GNG7: variants seen among roughly 807,000 people sequenced by gnomAD.
GNG7 encodes G protein subunit gamma 7.
GNG7 carries 1 observed loss-of-function variant against 4.0 expected under a neutral mutation model. The observed-to-expected ratio is 0.25, with a 90% CI of 0.09 to 1.18. GNG7 has a LOEUF of 1.18. GNG7 is among the 50% of genes most tolerant of loss of function. GNG7 has a pLI of 0.50. For synonymous variants in GNG7, 34 were observed against 36.9 expected (o/e 0.92, Z 0.29); for missense variants, 86 against 91.9 (o/e 0.94, Z 0.26).
At chr19:2,559,147 C>A (rs183532156) in intron 2 of GNG7, among the ~76,000 whole-genome samples, 1 of 152,064 alleles carries the variant, frequency 6.6e-6, no homozygotes, top group African/African-American at 2.4e-5. Context: ...TATACACACA[C>A]ACACATATAT....
chr19:2,642,741 G>A (rs1207520860), intron 2 of GNG7: 10 of 454,474 alleles, frequency 2.2e-5, no homozygotes, highest in Non-Finnish European at 4.4e-5. Flanking sequence ...CCATCCTCCT[G>A]CCTTGGCCTC....
At chr19:2,687,049 G>C (rs1983890297) in intron 1 of GNG7, among the ~76,000 whole-genome samples, 1 of 149,296 alleles carries the variant, frequency 6.7e-6, no homozygotes, top group Non-Finnish European at 1.5e-5. Flanking sequence ...ACCGCGCCTG[G>C]CCACTTTTTT....
rs915660934 is a variant in GNG7, at chr19:2,546,787, C to T, written c.-38+8362G>A. 2.5e-4 allele frequency among the ~76,000 whole-genome samples: 38 copies of T among 152,272 alleles called. 2 individuals are homozygous for T. The South Asian group carries it at 4.6e-3, about 18-fold the overall frequency. On this transcript the variant is annotated intron_variant, in intron 3 of 4. Coordinates refer to ENST00000382159, the MANE Select transcript of GNG7 (RefSeq NM_052847.3). This position sits in a 1 kb window ranked among gnomAD's most constrained non-coding sequence, Gnocchi z 6.3. Reference sequence around the variant, plus strand: ...AAAAGAAAAGCTGCTCTCTGTCCACCCGGCGGTGGGGTCGGCGGGGGCGGG... The same window carrying T: ...AAAAGAAAAGCTGCTCTCTGTCCACTCGGCGGTGGGGTCGGCGGGGGCGGG...
rs2070747423 is a variant in GNG7, at chr19:2,634,870, C to T, written c.-78+11354G>A. Among the ~76,000 whole-genome samples, 1 of 151,314 alleles carries T rather than the reference C, an allele frequency of 6.6e-6. No homozygotes were observed. The highest frequency in any genetic ancestry group is 1.5e-5 in the Non-Finnish European group (1 of 67,922). On this transcript the variant is annotated intron_variant, in intron 2 of 4. Transcript: ENST00000382159. The surrounding 1 kb of genome is among the most constrained non-coding windows in gnomAD (Gnocchi z 5.3). The stretch of plus-strand genomic sequence containing the variant: ...CAGGATAAGAGGCTCCAGTAAAGCT[C>T]TCAGCAGAAATGTTACCAAAAAAAA...
chr19:2,571,399 C>T (rs531820955), intron 2 of GNG7, among the ~76,000 whole-genome samples: 1 of 152,056 alleles, frequency 6.6e-6, no homozygotes, highest in Admixed American at 6.6e-5. Flanking sequence ...ATATCCTTAT[C>T]CTTGTTCTGA....
At chr19:2,627,439 G>A (rs536270941) in intron 2 of GNG7, among the ~76,000 whole-genome samples, 24 of 152,250 alleles carry the variant, frequency 1.6e-4, no homozygotes, top group Admixed American at 7.8e-4. Context: ...CACTTCCTCC[G>A]GGCGCCTGTC....
At chr19:2,625,122 G>A (rs530684486) in intron 2 of GNG7, among the ~76,000 whole-genome samples, 4 of 152,366 alleles carry the variant, frequency 2.6e-5, no homozygotes, top group Non-Finnish European at 4.4e-5. Flanking sequence ...AGGCTGGAGT[G>A]CAGTGGTGCG....
chr19:2,589,068 A>C lies in GNG7; in HGVS notation c.-77-33880T>G, dbSNP rs377122494. Among the ~76,000 whole-genome samples, 12 of 151,702 alleles carry C rather than the reference A, an allele frequency of 7.9e-5. No individual in the cohort carries two copies. In the South Asian group the frequency reaches 1.0e-3, roughly 13 times the overall value. ...CTCAGCCTCCCAAGTAGCTGGGATTACAGGCATGAGCCACCACACCTGGCT... is the reference window on the plus strand; with the variant it reads ...CTCAGCCTCCCAAGTAGCTGGGATTCCAGGCATGAGCCACCACACCTGGCT... On this transcript the variant is annotated intron_variant, in intron 2 of 4. Transcript: ENST00000382159.
intron 3 of GNG7, among the ~76,000 whole-genome samples, chr19:2,551,863 T>G (rs1979344370): frequency 6.6e-6 from 1 of 151,926 alleles, no homozygotes; most frequent in African/African-American, 2.4e-5. Context: ...TTTTTTATTT[T>G]CAGTAGAGAT....
Position 2,512,395 on chromosome 19 carries a change from A to G in GNG7, c.*2627T>C. The G allele has an allele frequency of 1.0e-6, 1 of 983,708 alleles. No homozygotes were observed. The highest frequency in any genetic ancestry group is 4.7e-5 in the South Asian group (1 of 21,248). 60.9% of individuals were successfully genotyped at this position (983,708 alleles called of 1,614,324 possible). On this transcript the variant is annotated 3_prime_UTR_variant, in exon 5 of 5. Transcript: ENST00000382159. This position sits in a 1 kb window ranked among gnomAD's most constrained non-coding sequence, Gnocchi z 4.7. ...AATTTTTTTTTTAATCCCCCAAGCT[A>G]GAAAGAAACCCACAGGCTTCTGGCA...
chr19:2,558,728 CTTT>C (rs1398114316), intron 2 of GNG7, among the ~76,000 whole-genome samples: 1 of 150,718 alleles, frequency 6.6e-6, no homozygotes, highest in African/African-American at 2.5e-5. Context: ...CTTTCTTTCT[CTTT>C]TCTTTCTTCC....
chr19:2,571,878 G>A (rs1030682497), intron 2 of GNG7, among the ~76,000 whole-genome samples: 1 of 152,120 alleles, frequency 6.6e-6, no homozygotes, highest in Middle Eastern at 3.4e-3. Context: ...TTACAGGTGT[G>A]AGCCACTGCG....
In GNG7 at chr19:2,512,018, C is replaced by G. The variant is rs78704597; in HGVS notation, c.*3004G>C. 2 of 985,736 alleles carry G rather than the reference C, an allele frequency of 2.0e-6. No homozygotes were observed. The highest frequency in any genetic ancestry group is 2.3e-4 in the East Asian group (2 of 8,814). The allele number at this position is 985,736 out of a possible 1,614,324, so 61.1% of individuals were successfully genotyped here. ...GTCTCGCTCAGCAGCGGGGAAGGCC[C>G]GTGGGAGACCCAGGCTACAGAAGGA... On this transcript the variant is annotated 3_prime_UTR_variant, in exon 5 of 5. Transcript: ENST00000382159. The surrounding 1 kb of genome is among the most constrained non-coding windows in gnomAD (Gnocchi z 4.7).
chr19:2,590,580 T>C (rs951583124), intron 2 of GNG7, among the ~76,000 whole-genome samples: 2 of 127,284 alleles, frequency 1.6e-5, no homozygotes, highest in African/African-American at 3.1e-5. Flanking sequence ...CACCCATTCA[T>C]CCATCCATCC....
At chr19:2,670,605 T>C (rs1208314693) in intron 1 of GNG7, among the ~76,000 whole-genome samples, 1 of 151,738 alleles carries the variant, frequency 6.6e-6, no homozygotes, top group Admixed American at 6.5e-5. Context: ...CCCTATTCTC[T>C]GAGGGTCACT....
intron 3 of GNG7, among the ~76,000 whole-genome samples, chr19:2,537,760 G>A (rs1978790856): frequency 6.6e-6 from 1 of 151,996 alleles, no homozygotes; most frequent in Non-Finnish European, 1.5e-5. Flanking sequence ...AGTGACTGCA[G>A]GGCTGACAAG....
chr19:2,694,236 T>TGG (rs568947069), intron 1 of GNG7, among the ~76,000 whole-genome samples: 11 of 147,652 alleles, frequency 7.4e-5, no homozygotes, highest in African/African-American at 2.8e-4. Flanking sequence ...TGCTTTTTTT[T>TGG]GGGGGGGGGC....
At chr19:2,642,074 C>A (rs923657909) in intron 2 of GNG7, 1 of 155,478 alleles carries the variant, frequency 6.4e-6, no homozygotes, top group African/African-American at 2.4e-5. Context: ...CCTACATCCA[C>A]CAGTGCCCAA....
chr19:2,631,323 G>T (rs116809651), intron 2 of GNG7, among the ~76,000 whole-genome samples: 1,598 of 152,284 alleles, frequency 0.01, 33 homozygotes, highest in African/African-American at 0.037. Flanking sequence ...ACTTAACCTC[G>T]CTAGGTCTCA....
Sources: gnomAD v4.1 joint callset for allele counts (sites outside exome capture counted in the v4.1 genomes callset) on GRCh38, gnomAD v4.1.1 for gene constraint, Gnocchi (gnomAD v3.1) non-coding constraint, MANE v1.5 for transcripts, NCBI Gene and HGNC (gene_info 2026-07-23, HGNC 2026-07-21) for gene names.